FAT1: variants seen among roughly 807,000 people sequenced by gnomAD.
FAT1 encodes protocadherin Fat 1.
A neutral mutation model predicts 329.8 loss-of-function variants in FAT1; 171 were observed. The ratio of observed to expected loss-of-function variants is 0.52; its 90% CI spans 0.46 to 0.59. The LOEUF (loss-of-function observed/expected upper bound fraction) is 0.59. Among genes scored for constraint, FAT1 ranks in the 20% least tolerant of loss-of-function variants. FAT1 has a pLI of 0.00. For missense variants in FAT1, 5,672 were observed against 5,774.4 expected (o/e 0.98, Z 0.57); for synonymous variants, 2,233 against 2,228.6 (o/e 1.00, Z -0.06).
chr4:186,688,776 C>T (rs1743609382), intron 2 of FAT1, among the ~76,000 whole-genome samples: 1 of 151,562 alleles, frequency 6.6e-6, no homozygotes, highest in Non-Finnish European at 1.5e-5. Flanking sequence ...ACTGATGAAG[C>T]CCAAATGAAA....
In FAT1 at chr4:186,708,424, G is replaced by C. The variant is rs2126696398; in HGVS notation, c.1404C>G (p.Tyr468Ter). The change falls in exon 2 of 27, where the codon TAC becomes TAG. Residue 468 changes from tyrosine (Y) to a stop codon, truncating the protein, a stop_gained. Coordinates refer to ENST00000441802, the MANE Select transcript of FAT1 (RefSeq NM_005245.4). LOFTEE classifies it high-confidence loss of function. Reference protein sequence around the residue: ...SNPPEFTQTAYKAAFDENVPI... With the variant: ...SNPPEFTQTA ...GCACGTTCTCATCAAAAGCAGCTTTGTACGCTGTCTGGGTAAATTCAGGGG... is the reference window on the plus strand; with the variant it reads ...GCACGTTCTCATCAAAAGCAGCTTTCTACGCTGTCTGGGTAAATTCAGGGG... The C allele has an allele frequency of 6.2e-7, 1 of 1,613,984 alleles. No individual in the cohort carries two copies. Among genetic ancestry groups the C allele is most frequent in the Non-Finnish European group, 8.5e-7 (1 of 1,179,892 alleles).
upstream of FAT1, among the ~76,000 whole-genome samples, chr4:186,724,860 T>C (rs909868979): frequency 1.2e-4 from 18 of 152,140 alleles, no homozygotes; most frequent in Non-Finnish European, 2.5e-4. The surrounding 1 kb of genome is among the most constrained non-coding windows in gnomAD (Gnocchi z 5.3). Flanking sequence ...AGAGATCCGA[T>C]TTCCCTGGGA....
chr4:186,700,555 C>T (rs1214295849), intron 2 of FAT1, among the ~76,000 whole-genome samples: 1 of 152,186 alleles, frequency 6.6e-6, no homozygotes, highest in Non-Finnish European at 1.5e-5. Context: ...AGCATCGAAT[C>T]TAGGATTCAA....
upstream of FAT1, chr4:186,723,972 C>T (rs1579517739): frequency 6.6e-6 from 1 of 150,468 alleles, no homozygotes; most frequent in South Asian, 2.1e-4. Flanking sequence ...ACCGCGGGCT[C>T]GGCCACGCAG....
intron 2 of FAT1, among the ~76,000 whole-genome samples, chr4:186,668,255 C>G (rs553450959): frequency 2.8e-4 from 43 of 152,278 alleles, no homozygotes; most frequent in South Asian, 1.9e-3. Flanking sequence ...ACCTATGGCA[C>G]TAGCCCGAGA....
At chr4:186,683,194 A>G (rs926115584) in intron 2 of FAT1, among the ~76,000 whole-genome samples, 3 of 152,188 alleles carry the variant, frequency 2.0e-5, no homozygotes, top group Admixed American at 2.0e-4. Context: ...TAAGGAGGCC[A>G]TGCACACCCT....
At chr4:186,617,593 T>G (rs2126486646) in intron 10 of FAT1, 115 bp downstream of exon 10, 1 of 850,886 alleles carries the variant, frequency 1.2e-6, no homozygotes, top group East Asian at 2.8e-5. Context: ...TTTTAGATAT[T>G]TTTAACTAAA....
At chr4:186,703,742 C>G (rs1324291524) in intron 2 of FAT1, among the ~76,000 whole-genome samples, 1 of 152,230 alleles carries the variant, frequency 6.6e-6, no homozygotes, top group Non-Finnish European at 1.5e-5. Flanking sequence ...CACGCCAAGG[C>G]ACACCAAGCT....
rs773226886 is a variant in FAT1, at chr4:186,636,895, C to G, written c.3662G>C (p.Gly1221Ala). ...TGCAATGGTTGATTTGGGGGGACTA[C>G]CATTGTCTGTCACAGTAACCTGTTT... The part of the protein sequence containing the change: ...HILEVTVTDN[G>A]SPPKSTIARV... The change falls in exon 5 of 27, where the codon GGT (glycine) becomes GCT (alanine). Residue 1221 changes from glycine (G) to alanine (A), a missense_variant. Physicochemically the swap from Gly to Ala is moderately conservative, Grantham distance 60. Around this residue, in one of 2 missense-constraint regions of FAT1, gnomAD observed 3,966 missense variants for 3,915.2 expected, o/e 1.01. Coordinates refer to ENST00000441802, the MANE Select transcript of FAT1 (RefSeq NM_005245.4). The G allele has an allele frequency of 8.1e-6, 13 of 1,609,512 alleles. No individual in the cohort carries two copies. Among genetic ancestry groups the G allele is most frequent in the Non-Finnish European group, 8.5e-6 (10 of 1,178,182 alleles).
chr4:186,613,160 T>C lies in FAT1; in HGVS notation c.9412A>G (p.Thr3138Ala), dbSNP rs1379669396. Residue 3138 changes from threonine (T) to alanine (A), a missense_variant, in exon 13 of 27, where the codon ACA (threonine) becomes GCA (alanine). Transcript: ENST00000441802. ...CTTGTCAGCAGCGTTCCCGGCTCTG[T>C]GTTTTCAAACACGGTGATGGCATAA... is the stretch of plus-strand genomic sequence containing the variant. ...DPYAITVFEN[T>A]EPGTLLTRVQ... The C allele has an allele frequency of 6.2e-7, 1 of 1,613,706 alleles. No homozygotes were observed. The highest frequency in any genetic ancestry group is 8.5e-7 in the Non-Finnish European group (1 of 1,179,870).
chr4:186,699,986 C>T (rs921876856), intron 2 of FAT1, among the ~76,000 whole-genome samples: 1 of 152,102 alleles, frequency 6.6e-6, no homozygotes, highest in Admixed American at 6.5e-5. Flanking sequence ...TACGAACACC[C>T]AATCCTTAAA....
intron 2 of FAT1, among the ~76,000 whole-genome samples, chr4:186,696,387 G>A (rs141246828): frequency 1.3e-5 from 2 of 152,134 alleles, no homozygotes; most frequent in Admixed American, 6.5e-5. Context: ...TGACAAACCC[G>A]CCTTTTTTCA....
chr4:186,613,417 T>A, intron 12 of FAT1, 75 bp from the exon 13 acceptor site: 1 of 1,142,638 alleles, frequency 8.8e-7, no homozygotes, highest in African/African-American at 1.5e-5. Context: ...TTCCTCCCCT[T>A]TTGTCTTTCA....
intron 15 of FAT1, among the ~76,000 whole-genome samples, 161 bp downstream of exon 15, chr4:186,609,640 T>C (rs1183794707): frequency 6.6e-6 from 1 of 152,140 alleles, no homozygotes; most frequent in African/African-American, 2.4e-5. Flanking sequence ...AACACAATTA[T>C]TCATAACAAA....
Position 186,620,138 on chromosome 4 carries a change from ATTC to A in FAT1, c.6445_6447del (p.Glu2149del). ...TCTTTTGCAACCACTGTAACAAGAT[ATTC>A]TTTATTTAAGGTGTCAAGCTCAAAT... On this transcript the variant is annotated inframe_deletion, in exon 10 of 27. Transcript: ENST00000441802. 6.2e-7 allele frequency: 1 copy of A among 1,614,020 alleles called. No individual in the cohort carries two copies. The highest frequency in any genetic ancestry group is 1.7e-5 in the Admixed American group (1 of 60,030).
At chr4:186,678,775 A>G (rs938765788) in intron 2 of FAT1, among the ~76,000 whole-genome samples, 4 of 152,112 alleles carry the variant, frequency 2.6e-5, no homozygotes, top group African/African-American at 9.7e-5. Context: ...CCATTGGGAA[A>G]GACAGTGTGG....
intron 3 of FAT1, among the ~76,000 whole-genome samples, chr4:186,649,069 A>G (rs1741508451): frequency 6.6e-6 from 1 of 152,182 alleles, no homozygotes; most frequent in Non-Finnish European, 1.5e-5. Context: ...TTTCTCAAGT[A>G]TGGTTCTTAA....
intron 18 of FAT1, among the ~76,000 whole-genome samples, 153 bp from the exon 19 acceptor site, chr4:186,604,130 T>C (rs1738976851): frequency 6.6e-6 from 1 of 152,184 alleles, no homozygotes; most frequent in Non-Finnish European, 1.5e-5. Context: ...AAAGGACAAA[T>C]TTCTTTATAG....
chr4:186,668,814 C>A (rs1337027106), intron 2 of FAT1, among the ~76,000 whole-genome samples: 1 of 152,040 alleles, frequency 6.6e-6, no homozygotes, highest in African/African-American at 2.4e-5. Flanking sequence ...CTAATTAGTG[C>A]CTTTAACACA....
Sources: allele counts gnomAD v4.1 joint callset (sites outside exome capture counted in the v4.1 genomes callset), GRCh38; gene constraint gnomAD v4.1.1; regional missense constraint gnomAD v4.1.1; non-coding constraint Gnocchi (gnomAD v3.1); transcripts MANE v1.5; gene names NCBI Gene and HGNC (gene_info 2026-07-23, HGNC 2026-07-21).